Variants in RFX4 observed in about 807,000 individuals in gnomAD.
The protein encoded by RFX4 is regulatory factor X4.
RFX4 carries 10 observed loss-of-function variants against 95.0 expected under a neutral mutation model. That is an observed-to-expected ratio of 0.11 (90% CI 0.06 to 0.18). RFX4 has a LOEUF of 0.18. RFX4 is among the 10% of genes least tolerant of loss of function. The probability of loss-of-function intolerance (pLI) is 1.00; values close to 1 mark genes in which losing one functional copy is unlikely to be tolerated. For synonymous variants in RFX4, 321 were observed against 340.7 expected, an observed-to-expected ratio of 0.94 and a Z score of 0.64; for missense variants, 640 against 922.0, an observed-to-expected ratio of 0.69 and a Z score of 3.96.
intron 3 of RFX4, among the ~76,000 whole-genome samples, chr12:106,648,034 C>T (rs2040782241): frequency 6.6e-6 from 1 of 152,172 alleles, no homozygotes; most frequent in Non-Finnish European, 1.5e-5. Context: ...GTAGTGAGAG[C>T]TTTACAAGCA....
intron 2 of RFX4, among the ~76,000 whole-genome samples, chr12:106,632,204 C>T (rs552273034): frequency 6.6e-6 from 1 of 152,122 alleles, no homozygotes; most frequent in Non-Finnish European, 1.5e-5. Context: ...ACCTCTGCAC[C>T]GTGTTAGGAA....
At chr12:106,590,122 A>T (rs2039516544) in intron 1 of RFX4, among the ~76,000 whole-genome samples, 1 of 152,270 alleles carries the variant, frequency 6.6e-6, no homozygotes, top group Non-Finnish European at 1.5e-5. Flanking sequence ...GGAGTAATAA[A>T]GACAGAGCAT....
In RFX4 at chr12:106,720,014, T is replaced by C. The variant is rs1299007637; in HGVS notation, c.1193T>C (p.Ile398Thr). The change falls in exon 12 of 18, where the codon ATT (isoleucine) becomes ACT (threonine). Residue 398 changes from isoleucine (I) to threonine (T), a missense_variant. Ile to Thr is a moderately conservative substitution (Grantham distance 89). This residue lies in a region of RFX4 where 72 missense variants were observed against 80.5 expected (regional missense o/e 0.89). Coordinates refer to ENST00000392842, the MANE Select transcript of RFX4 (RefSeq NM_213594.3). This position sits in a 1 kb window ranked among gnomAD's most constrained non-coding sequence, Gnocchi z 4.2. Reference protein sequence around the residue: ...LEEQSPIESYIEWLDTMVDRC... With the variant: ...LEEQSPIESYTEWLDTMVDRC... Reference sequence around the variant, plus strand: ...GAGCAGTCTCCCATCGAGTCCTACATTGAGTGGCTGGATACCATGGTTGAC... The same window carrying C: ...GAGCAGTCTCCCATCGAGTCCTACACTGAGTGGCTGGATACCATGGTTGAC... 43 of 1,614,132 alleles carry C rather than the reference T, an allele frequency of 2.7e-5. No individual in the cohort carries two copies. The highest frequency in any genetic ancestry group is 8.9e-5 in the East Asian group (4 of 44,902).
intron 3 of RFX4, among the ~76,000 whole-genome samples, chr12:106,641,943 GTCTATATCTATCTATA>G (rs1477700478): frequency 1.4e-4 from 18 of 132,856 alleles, no homozygotes; most frequent in African/African-American, 4.7e-4. Context: ...CTATATCTAT[GTCTATATCTATCTATA>G]TCTATATCTA....
intron 7 of RFX4, among the ~76,000 whole-genome samples, chr12:106,692,676 C>T (rs1306434277): frequency 3.3e-5 from 5 of 152,168 alleles, no homozygotes; most frequent in Non-Finnish European, 5.9e-5. Flanking sequence ...CTTAATTTTA[C>T]TAATAATTTG....
chr12:106,754,143 G>A (rs3889357), intron 17 of RFX4, among the ~76,000 whole-genome samples: 1,995 of 152,270 alleles, frequency 0.013, 53 homozygotes, highest in African/African-American at 0.046. Context: ...GCAGTACCAA[G>A]GGGAGCCCTG....
At chr12:106,731,989 T>C in intron 13 of RFX4, 141 bp from the exon 14 acceptor site, 2 of 1,203,664 alleles carry the variant, frequency 1.7e-6, no homozygotes, top group East Asian at 2.5e-5. Flanking sequence ...CCTATGACCA[T>C]GAGGAGATCA....
intron 5 of RFX4, among the ~76,000 whole-genome samples, chr12:106,685,339 C>T (rs538227558): frequency 2.0e-4 from 30 of 152,300 alleles, no homozygotes; most frequent in Middle Eastern, 6.8e-3. Context: ...TTGGGAGGTT[C>T]AAATCCTGCC....
At chr12:106,645,033 C>G (rs1174441541) in intron 3 of RFX4, among the ~76,000 whole-genome samples, 2 of 151,992 alleles carry the variant, frequency 1.3e-5, no homozygotes, top group South Asian at 4.2e-4. Context: ...TGCCACAAAC[C>G]CCCTCCCCCT....
At chr12:106,634,944 G>A (rs1053832614) in intron 2 of RFX4, among the ~76,000 whole-genome samples, 1 of 152,250 alleles carries the variant, frequency 6.6e-6, no homozygotes, top group African/African-American at 2.4e-5. Context: ...CCAAACTCAA[G>A]GGCAAGAGTT....
intron 5 of RFX4, chr12:106,683,018 G>A (rs978550473): frequency 2.0e-5 from 3 of 152,178 alleles, no homozygotes; most frequent in African/African-American, 7.2e-5. Flanking sequence ...TGTACAAGGT[G>A]ACTCCACTAG....
intron 2 of RFX4, among the ~76,000 whole-genome samples, chr12:106,618,358 T>A (rs2040115080): frequency 6.6e-6 from 1 of 152,184 alleles, no homozygotes; most frequent in African/African-American, 2.4e-5. Flanking sequence ...TATGTTAATA[T>A]CTCCAGCTCT....
At chr12:106,618,971 C>G (rs1302486750) in intron 2 of RFX4, among the ~76,000 whole-genome samples, 1 of 152,090 alleles carries the variant, frequency 6.6e-6, no homozygotes, top group Non-Finnish European at 1.5e-5. Flanking sequence ...ATTATTAATA[C>G]ATCTACCTCA....
intron 7 of RFX4, 31 bp from the exon 8 acceptor site, chr12:106,696,252 T>C: frequency 6.2e-7 from 1 of 1,613,090 alleles, no homozygotes; most frequent in Non-Finnish European, 8.5e-7. Context: ...CTGGGTAACC[T>C]CATGATTCTT....
At chr12:106,610,543 A>C (rs568612277) in intron 2 of RFX4, among the ~76,000 whole-genome samples, 1 of 152,348 alleles carries the variant, frequency 6.6e-6, no homozygotes, top group East Asian at 1.9e-4. Flanking sequence ...TAAGTATCTT[A>C]TATAAGTGAA....
At chr12:106,686,781 T>A (rs1220717633) in intron 5 of RFX4, 103 bp from the exon 6 acceptor site, 2 of 1,091,058 alleles carry the variant, frequency 1.8e-6, no homozygotes, top group Non-Finnish European at 2.7e-6. Flanking sequence ...TCCTTGGCCT[T>A]GGGCAACACT....
chr12:106,595,105 C>T (rs1353448858), intron 1 of RFX4, among the ~76,000 whole-genome samples: 3 of 152,130 alleles, frequency 2.0e-5, no homozygotes, highest in Non-Finnish European at 4.4e-5. Flanking sequence ...ATGCATGTTA[C>T]TTTATTTAAC....
chr12:106,736,697 C>A (rs1023317750), intron 15 of RFX4, among the ~76,000 whole-genome samples: 4 of 152,182 alleles, frequency 2.6e-5, no homozygotes, highest in Admixed American at 2.0e-4. Context: ...CAACAGCGGG[C>A]ATTCTCCATC....
rs550795987 is a variant in RFX4 at position 106,725,070 on chromosome 12, G to A, written c.1351+4194G>A. 1.3e-4 allele frequency among the ~76,000 whole-genome samples: 19 copies of A among 151,222 alleles called. No individual in the cohort carries two copies. The South Asian group carries it at 1.7e-3, about 13-fold the overall frequency. ...GAATACAAGAAACAACAATGTTCTA[G>A]TTATTGTTGCCATTGCTGTGTAATA... On this transcript the variant is annotated intron_variant, in intron 13 of 17. Coordinates refer to ENST00000392842, the MANE Select transcript of RFX4 (RefSeq NM_213594.3).
Sources: gnomAD v4.1 joint callset for allele counts (sites outside exome capture counted in the v4.1 genomes callset) on GRCh38, gnomAD v4.1.1 for gene constraint, gnomAD v4.1.1 regional missense constraint, Gnocchi (gnomAD v3.1) non-coding constraint, MANE v1.5 for transcripts, NCBI Gene and HGNC (gene_info 2026-07-23, HGNC 2026-07-21) for gene names.